Variants in PNRC1 observed in about 807,000 individuals in gnomAD.
The protein encoded by PNRC1 is proline rich nuclear receptor coactivator 1.
In PNRC1, 6 loss-of-function variants were observed where a neutral mutation model predicts 20.2. The ratio of observed to expected loss-of-function variants is 0.30; its 90% confidence interval spans 0.16 to 0.59. The LOEUF (loss-of-function observed/expected upper bound fraction) is 0.59. PNRC1 is among the 20% of genes least tolerant of loss of function. The pLI is 0.89. For missense variants in PNRC1, 488 were observed against 430.2 expected (o/e 1.13, Z -1.19); for synonymous variants, 202 against 186.9 (o/e 1.08, Z -0.66).
chr6:89,083,828 T>G lies in PNRC1; in HGVS notation c.616T>G (p.Tyr206Asp). 1 of 1,614,038 alleles carries G rather than the reference T, an allele frequency of 6.2e-7. No homozygotes were observed. The highest frequency in any genetic ancestry group is 1.1e-5 in the South Asian group (1 of 91,038). The stretch of plus-strand genomic sequence containing the variant: ...CCAGCTTGTTCATGGTATACACTTG[T>G]ATGAGCAACCAAAGATAAACAGACA... ...HGQLVHGIHL[Y>D]EQPKINRQKS... The change falls in exon 2 of 2, where the codon TAT becomes GAT. Residue 206 changes from tyrosine (Y) to aspartate (D), a missense_variant. Transcript: ENST00000336032.
In PNRC1 at chr6:89,081,297, A is replaced by G; in HGVS notation, c.403A>G (p.Ser135Gly). The G allele has an allele frequency of 1.9e-5, 28 of 1,507,526 alleles. No individual in the cohort carries two copies. The highest frequency in any genetic ancestry group is 2.4e-5 in the Non-Finnish European group (27 of 1,137,714). The allele number at this position is 1,507,526 out of a possible 1,614,324, so 93.4% of individuals were successfully genotyped here. The change falls in exon 1 of 2, where the codon AGC becomes GGC. Residue 135 changes from serine (S) to glycine (G), a missense_variant. Ser to Gly is a moderately conservative substitution (Grantham distance 56, BLOSUM62 0). Transcript: ENST00000336032. ...EGGRSPATGPSGAQEVPGPAA... is the reference protein window; with the variant it reads ...EGGRSPATGPGGAQEVPGPAA... The stretch of plus-strand genomic sequence containing the variant: ...CGGCCGGAGCCCCGCGACCGGCCCG[A>G]GCGGAGCGCAGGAGGTCCCGGGCCC...
At chr6:89,083,031 G>A (rs1018663993) in intron 1 of PNRC1, among the ~76,000 whole-genome samples, 1 of 149,618 alleles carries the variant, frequency 6.7e-6, no homozygotes, top group Non-Finnish European at 1.5e-5. Context: ...GACAGAGTCT[G>A]CCTCTATCGC....
Position 89,080,850 on chromosome 6 carries a change from C to T in PNRC1, c.-45C>T, listed in dbSNP as rs999935976. The T allele has an allele frequency of 4.4e-6, 7 of 1,582,360 alleles. No individual in the cohort carries two copies. The African/African-American group carries it at 8.1e-5, about 18-fold the overall frequency. ...CCCTATCTTCACTGGCTTCATTCACCTTCTCCTTCTCTCTTCGTTGCTGAG... is the reference window on the plus strand; with the variant it reads ...CCCTATCTTCACTGGCTTCATTCACTTTCTCCTTCTCTCTTCGTTGCTGAG... On this transcript the variant is annotated 5_prime_UTR_variant, in exon 1 of 2. Coordinates refer to ENST00000336032, the MANE Select transcript of PNRC1 (RefSeq NM_006813.3).
In PNRC1 at chr6:89,080,882, G is replaced by A. The variant is rs1767964046; in HGVS notation, c.-13G>A. 1 of 1,608,368 alleles carries A rather than the reference G, an allele frequency of 6.2e-7. No homozygotes were observed. Among genetic ancestry groups the A allele is most frequent in the East Asian group, 2.2e-5 (1 of 44,848 alleles). On this transcript the variant is annotated 5_prime_UTR_variant, in exon 1 of 2. Coordinates refer to ENST00000336032, the MANE Select transcript of PNRC1 (RefSeq NM_006813.3). ...TTCTCTCTTCGTTGCTGAGCGACAA[G>A]CTTCCTAGCGCTATGACTGTCGTCT...
At position 89,084,738 on chromosome 6, in the gene PNRC1, G is replaced by A. The variant is rs1768080195; in HGVS notation, c.*542G>A. 1 of 152,474 alleles carries A rather than the reference G, an allele frequency of 6.6e-6. No individual in the cohort carries two copies. The highest frequency in any genetic ancestry group is 1.5e-5 in the Non-Finnish European group (1 of 68,014). The allele number at this position is 152,474 out of a possible 1,614,324, so 9.4% of individuals were successfully genotyped here. ...TTTGCTAAACTCAATTTCTGGTTTT[G>A]GTATATATCCATTCCAGCTTAATGC... On this transcript the variant is annotated 3_prime_UTR_variant, in exon 2 of 2. Transcript: ENST00000336032.
Position 89,081,403 on chromosome 6 carries a change from C to T in PNRC1, c.509C>T (p.Ala170Val). 1 of 1,344,026 alleles carries T rather than the reference C, an allele frequency of 7.4e-7. No homozygotes were observed. The highest frequency in any genetic ancestry group is 3.1e-5 in the East Asian group (1 of 32,104). The allele number at this position is 1,344,026 out of a possible 1,614,324, so 83.3% of individuals were successfully genotyped here. A position where few individuals can be genotyped will look rare whatever the true frequency, so the allele number is the denominator to read the frequency against. ...ASPDLAPLRP[A>V]APGQTPLRKE... Reference sequence around the variant, plus strand: ...CCCGACCTTGCCCCGCTGCGGCCCGCGGCTCCCGGCCAAACCCCCCTCAGG... The same window carrying T: ...CCCGACCTTGCCCCGCTGCGGCCCGTGGCTCCCGGCCAAACCCCCCTCAGG... The change falls in exon 1 of 2, where the codon GCG (alanine) becomes GTG (valine). Residue 170 changes from alanine to valine, a missense_variant. Physicochemically the swap from Ala to Val is moderately conservative, Grantham distance 64. Coordinates refer to ENST00000336032, the MANE Select transcript of PNRC1 (RefSeq NM_006813.3).
intron 1 of PNRC1, 29 bp downstream of exon 1, chr6:89,081,463 T>C: frequency 1.9e-6 from 2 of 1,080,424 alleles, no homozygotes; most frequent in Admixed American, 6.3e-5. Context: ...CGTTGGGGAG[T>C]CGGGCCCTTA....
At position 89,084,160 on chromosome 6, in the gene PNRC1, A is replaced by C; in HGVS notation, c.948A>C (p.Ala316=). ...CCAACCAAAACAGGGAGCTGATGGC[A>C]GTACACTTAAAAACGCTCCTCAAAG... The part of the protein sequence containing the change: ...ENSNQNRELM[A]VHLKTLLKVQ... Residue 316 remains alanine (A), a synonymous_variant, in exon 2 of 2, where the codon GCA becomes GCC. Coordinates refer to ENST00000336032, the MANE Select transcript of PNRC1 (RefSeq NM_006813.3). 1 of 1,597,190 alleles carries C rather than the reference A, an allele frequency of 6.3e-7. No individual in the cohort carries two copies. Among genetic ancestry groups the C allele is most frequent in the Non-Finnish European group, 8.5e-7 (1 of 1,175,144 alleles).
rs1021480291 is a variant in PNRC1 at position 89,084,747 on chromosome 6, C to A, written c.*551C>A. The A allele has an allele frequency of 6.6e-6, 1 of 152,588 alleles. No individual in the cohort carries two copies. The allele number at this position is 152,588 out of a possible 1,614,324, so 9.5% of individuals were successfully genotyped here. On this transcript the variant is annotated 3_prime_UTR_variant, in exon 2 of 2. Transcript: ENST00000336032. Reference sequence around the variant, plus strand: ...CTCAATTTCTGGTTTTGGTATATATCCATTCCAGCTTAATGCCTCTAATTT... The same window carrying A: ...CTCAATTTCTGGTTTTGGTATATATACATTCCAGCTTAATGCCTCTAATTT...
chr6:89,083,937 C>T lies in PNRC1; in HGVS notation c.725C>T (p.Ser242Phe), dbSNP rs149572249. ...ENNFWQDSVS[S>F]DRIQKQEKKP... ...AACTTTTGGCAGGATTCTGTTTCATCTGACAGAATTCAGAAGCAGGAAAAA... is the reference window on the plus strand; with the variant it reads ...AACTTTTGGCAGGATTCTGTTTCATTTGACAGAATTCAGAAGCAGGAAAAA... The change falls in exon 2 of 2, where the codon TCT (serine) becomes TTT (phenylalanine). Residue 242 changes from serine (S) to phenylalanine (F), a missense_variant. Coordinates refer to ENST00000336032, the MANE Select transcript of PNRC1 (RefSeq NM_006813.3). The T allele has an allele frequency of 3.7e-6, 6 of 1,613,984 alleles. No homozygotes were observed. In the Admixed American group the frequency reaches 1.0e-4, roughly 27 times the overall value.
chr6:89,081,148 T>G lies in PNRC1; in HGVS notation c.254T>G (p.Val85Gly). 6.2e-7 allele frequency: 1 copy of G among 1,603,086 alleles called. No homozygotes were observed. Among genetic ancestry groups the G allele is most frequent in the Non-Finnish European group, 8.5e-7 (1 of 1,178,742 alleles). Reference protein sequence around the residue: ...PAALPNRSLAVAGGTPRAAPK... With the variant: ...PAALPNRSLAGAGGTPRAAPK... ...GCTCTGCCCAACCGCAGCCTCGCCGTGGCGGGAGGCACTCCTCGGGCAGCG... is the reference window on the plus strand; with the variant it reads ...GCTCTGCCCAACCGCAGCCTCGCCGGGGCGGGAGGCACTCCTCGGGCAGCG... Residue 85 changes from valine to glycine, a missense_variant, in exon 1 of 2, where the codon GTG becomes GGG. Val to Gly is a moderately radical substitution (Grantham distance 109). Coordinates refer to ENST00000336032, the MANE Select transcript of PNRC1 (RefSeq NM_006813.3).
chr6:89,083,520 C>T (rs1328140992), intron 1 of PNRC1, among the ~76,000 whole-genome samples: 1 of 152,148 alleles, frequency 6.6e-6, no homozygotes, highest in Non-Finnish European at 1.5e-5. Context: ...CAGTGTTTAG[C>T]TCCCAAATTC....
intron 1 of PNRC1, chr6:89,081,716 C>T (rs1472738165): frequency 4.2e-6 from 1 of 236,774 alleles, no homozygotes; most frequent in Non-Finnish European, 8.0e-6. Context: ...AGAAGGCTGG[C>T]GGCGTTCCAG....
rs769879960 is a variant in PNRC1, at chr6:89,085,042, G to A, written c.*846G>A. 5 of 152,172 alleles carry A rather than the reference G, an allele frequency of 3.3e-5. No homozygotes were observed. In the South Asian group the frequency reaches 6.2e-4, roughly 19 times the overall value. The allele number at this position is 152,172 out of a possible 1,614,324, so 9.4% of individuals were successfully genotyped here. ...GACTACTCTAGAGGCTGAGACGGGA[G>A]CATCTCTTGAGCCTGAGAAGTGGAG... is the stretch of plus-strand genomic sequence containing the variant. On this transcript the variant is annotated 3_prime_UTR_variant, in exon 2 of 2. Transcript: ENST00000336032.
rs975910598 is a variant in PNRC1, at chr6:89,084,316, T to TA, written c.*126dup. ...AACATACAATTGCAAAAGATGAGTT[T>TA]AAAAAATTACATACAAACAGCTTGT... On this transcript the variant is annotated 3_prime_UTR_variant, in exon 2 of 2. Transcript: ENST00000336032. 1.4e-5 allele frequency: 9 copies of TA among 634,294 alleles called. No homozygotes were observed. The African/African-American group carries it at 1.5e-4, about 10-fold the overall frequency. The allele number at this position is 634,294 out of a possible 1,614,324, so 39.3% of individuals were successfully genotyped here.
Position 89,081,062 on chromosome 6 carries a change from C to A in PNRC1, c.168C>A (p.Phe56Leu), listed in dbSNP as rs746243332. Residue 56 changes from phenylalanine to leucine, a missense_variant, in exon 1 of 2, where the codon TTC becomes TTA. Phe to Leu is a conservative substitution (Grantham distance 22). Transcript: ENST00000336032. Reference sequence around the variant, plus strand: ...CCCGGGCACTGCCCCCGACCCTCTTCCTCCCTCATTTCCTAGGGGGAGATG... The same window carrying A: ...CCCGGGCACTGCCCCCGACCCTCTTACTCCCTCATTTCCTAGGGGGAGATG... ...PDPRALPPTL[F>L]LPHFLGGDGP... 1.2e-6 allele frequency: 2 copies of A among 1,610,638 alleles called. No homozygotes were observed. Among genetic ancestry groups the A allele is most frequent in the African/African-American group, 2.7e-5 (2 of 74,944 alleles).
In PNRC1 at chr6:89,081,298, G is replaced by T. The variant is rs564188266; in HGVS notation, c.404G>T (p.Ser135Ile). Residue 135 changes from serine (S) to isoleucine (I), a missense_variant, in exon 1 of 2, where the codon AGC becomes ATC. Physicochemically the swap from Ser to Ile is moderately radical, Grantham distance 142 (BLOSUM62 -2). Transcript: ENST00000336032. ...GGCCGGAGCCCCGCGACCGGCCCGA[G>T]CGGAGCGCAGGAGGTCCCGGGCCCG... Reference protein sequence around the residue: ...EGGRSPATGPSGAQEVPGPAA... With the variant: ...EGGRSPATGPIGAQEVPGPAA... 4 of 1,508,038 alleles carry T rather than the reference G, an allele frequency of 2.7e-6. No individual in the cohort carries two copies. 93.4% of individuals were successfully genotyped at this position (1,508,038 alleles called of 1,614,324 possible). A position where few individuals can be genotyped will look rare whatever the true frequency, so the allele number is the denominator to read the frequency against.
chr6:89,081,354 G>A lies in PNRC1; in HGVS notation c.460G>A (p.Ala154Thr). The A allele has an allele frequency of 6.9e-7, 1 of 1,442,600 alleles. No homozygotes were observed. The highest frequency in any genetic ancestry group is 9.0e-7 in the Non-Finnish European group (1 of 1,108,386). The allele number at this position is 1,442,600 out of a possible 1,614,324, so 89.4% of individuals were successfully genotyped here. A position where few individuals can be genotyped will look rare whatever the true frequency, so the allele number is the denominator to read the frequency against. The change falls in exon 1 of 2, where the codon GCA becomes ACA. Residue 154 changes from alanine (A) to threonine (T), a missense_variant. Transcript: ENST00000336032. Reference sequence around the variant, plus strand: ...CGCCTTGGCCCCGAGTCCTGCAGCCGCAGCCGGCACGGAGGGAGCCAGCCC... The same window carrying A: ...CGCCTTGGCCCCGAGTCCTGCAGCCACAGCCGGCACGGAGGGAGCCAGCCC... ...AAALAPSPAA[A>T]AGTEGASPDL...
rs1768074483 is a variant in PNRC1 at position 89,084,507 on chromosome 6, C to G, written c.*311C>G. ...GATAAATTTTAAGTGTGTGCTAAGG[C>G]ACATGGAAGACCGATTTTATTTGCA... is the stretch of plus-strand genomic sequence containing the variant. On this transcript the variant is annotated 3_prime_UTR_variant, in exon 2 of 2. Coordinates refer to ENST00000336032, the MANE Select transcript of PNRC1 (RefSeq NM_006813.3). 5.4e-6 allele frequency: 1 copy of G among 183,588 alleles called. No homozygotes were observed. Among genetic ancestry groups the G allele is most frequent in the African/African-American group, 2.4e-5 (1 of 42,360 alleles). 11.4% of individuals were successfully genotyped at this position (183,588 alleles called of 1,614,324 possible). A position where few individuals can be genotyped will look rare whatever the true frequency, so the allele number is the denominator to read the frequency against.
Sources: allele counts gnomAD v4.1 joint callset (sites outside exome capture counted in the v4.1 genomes callset), GRCh38; gene constraint gnomAD v4.1.1; transcripts MANE v1.5; gene names NCBI Gene and HGNC (gene_info 2026-07-23, HGNC 2026-07-21).